The following IQCM variants were observed in gnomAD, a reference collection of about 807,000 sequenced individuals.
The protein encoded by IQCM is IQ motif containing M, also known as IQ domain-containing protein M.
In IQCM, 45 loss-of-function variants were observed where a neutral mutation model predicts 57.6. The ratio of observed to expected loss-of-function variants is 0.78; its 90% CI spans 0.62 to 1.00. The LOEUF (loss-of-function observed/expected upper bound fraction) is 1.00. IQCM is among the 50% of genes least tolerant of loss of function. The pLI is 0.00. For missense variants in IQCM, 468 were observed against 511.6 expected, an observed-to-expected ratio of 0.91 and a Z score of 0.82; for synonymous variants, 148 against 158.9, an observed-to-expected ratio of 0.93 and a Z score of 0.51.
chr4:149,743,461 A>G (rs984543994), intron 2 of IQCM, among the ~76,000 whole-genome samples: 29 of 149,066 alleles, frequency 1.9e-4, no homozygotes, highest in African/African-American at 6.8e-4. Flanking sequence ...TATACTATAT[A>G]TCTATATTCC....
At chr4:149,494,343 C>T (rs999795665) in intron 12 of IQCM, among the ~76,000 whole-genome samples, 2 of 152,090 alleles carry the variant, frequency 1.3e-5, no homozygotes, top group South Asian at 2.1e-4. Context: ...ACCAAGGAAA[C>T]GTGTCTCAAT....
At position 149,445,943 on chromosome 4, in the gene IQCM, C is replaced by T. The variant is rs1736458585; in HGVS notation, c.1229-12386G>A. Among the ~76,000 whole-genome samples the T allele has an allele frequency of 2.0e-5, 3 of 151,622 alleles. No homozygotes were observed. In the South Asian group the frequency reaches 6.2e-4, roughly 31 times the overall value. ...AAATGTTTTTCCCTATATTTACTCC[C>T]AAGAGGTTTAGATCAGCATTACAAA... On this transcript the variant is annotated intron_variant, in intron 12 of 13. Transcript: ENST00000636793.
chr4:149,801,894 T>C (rs1418690567), intron 2 of IQCM, among the ~76,000 whole-genome samples: 1 of 152,110 alleles, frequency 6.6e-6, no homozygotes, highest in Admixed American at 6.6e-5. Flanking sequence ...ACTAGTATAA[T>C]TGGATTGTTT....
At chr4:149,795,142 T>C (rs140291843) in intron 2 of IQCM, among the ~76,000 whole-genome samples, 16 of 152,298 alleles carry the variant, frequency 1.1e-4, no homozygotes, top group African/African-American at 3.6e-4. Context: ...TCAGATTGCA[T>C]ACTGCAGAAG....
chr4:149,549,359 C>CAA (rs561288431), intron 11 of IQCM, among the ~76,000 whole-genome samples: 10 of 150,384 alleles, frequency 6.6e-5, no homozygotes, highest in African/African-American at 2.2e-4. Context: ...ACTAAAAATA[C>CAA]AAAAAAAAAT....
chr4:149,624,358 C>T (rs1391066194), intron 7 of IQCM, among the ~76,000 whole-genome samples: 1 of 152,140 alleles, frequency 6.6e-6, no homozygotes, highest in Non-Finnish European at 1.5e-5. Flanking sequence ...ACCATCTCCC[C>T]TCACTTTCTA....
At chr4:149,543,199 A>G (rs1194437435) in intron 12 of IQCM, among the ~76,000 whole-genome samples, 1 of 152,160 alleles carries the variant, frequency 6.6e-6, no homozygotes, top group African/African-American at 2.4e-5. Flanking sequence ...ATGTATAACA[A>G]TAAATACATT....
intron 5 of IQCM, among the ~76,000 whole-genome samples, chr4:149,718,669 C>A (rs2149848262): frequency 6.6e-6 from 1 of 152,288 alleles, no homozygotes; most frequent in Non-Finnish European, 1.5e-5. Context: ...GAATCAAGAT[C>A]CTGGCAGGGC....
intron 9 of IQCM, among the ~76,000 whole-genome samples, chr4:149,570,066 T>C (rs1751013273): frequency 6.6e-6 from 1 of 151,972 alleles, no homozygotes; most frequent in South Asian, 2.1e-4. Flanking sequence ...AATGTTCATA[T>C]ATATAATAAG....
chr4:149,597,335 C>G (rs921498143), intron 8 of IQCM, among the ~76,000 whole-genome samples: 1 of 152,064 alleles, frequency 6.6e-6, no homozygotes, highest in African/African-American at 2.4e-5. Context: ...AATTGAATGA[C>G]TCACATTTGT....
intron 2 of IQCM, among the ~76,000 whole-genome samples, chr4:149,744,779 A>G (rs569601996): frequency 3.3e-5 from 5 of 152,200 alleles, no homozygotes; most frequent in Non-Finnish European, 5.9e-5. Context: ...ATCAATTAAT[A>G]AAAGCATATT....
chr4:149,700,621 G>A (rs1026106268), intron 5 of IQCM, among the ~76,000 whole-genome samples: 18 of 151,986 alleles, frequency 1.2e-4, no homozygotes, highest in African/African-American at 4.1e-4. Context: ...CTCAGGAAAT[G>A]CACCAAACCA....
intron 2 of IQCM, among the ~76,000 whole-genome samples, chr4:149,754,733 C>T (rs981546420): frequency 6.6e-6 from 1 of 152,148 alleles, no homozygotes; most frequent in Admixed American, 6.5e-5. Context: ...TTGGAATGTC[C>T]CAAGGCTCAG....
chr4:149,406,095 G>C (rs554241297), intron 13 of IQCM, among the ~76,000 whole-genome samples: 3 of 151,560 alleles, frequency 2.0e-5, no homozygotes, highest in African/African-American at 7.3e-5. Context: ...ACTCTCTTAA[G>C]AACCAAGTTT....
At chr4:149,425,973 T>C (rs536280620) in intron 13 of IQCM, among the ~76,000 whole-genome samples, 3 of 152,156 alleles carry the variant, frequency 2.0e-5, no homozygotes, top group South Asian at 4.1e-4. Flanking sequence ...CTAGGCATTA[T>C]ACTTAATTGC....
Position 149,473,033 on chromosome 4 carries a change from T to C in IQCM, c.1229-39476A>G, listed in dbSNP as rs191433011. Among the ~76,000 whole-genome samples the C allele has an allele frequency of 3.3e-3, 498 of 152,258 alleles. 2 individuals carry two copies. The highest frequency in any genetic ancestry group is 0.011 in the African/African-American group (450 of 41,542). ...ACCATAAAAACACTAGAAGAAAACC[T>C]ACGCAATACCATTCAGCACATAGGC... On this transcript the variant is annotated intron_variant, in intron 12 of 13. Coordinates refer to ENST00000636793, the MANE Select transcript of IQCM (RefSeq NM_001363507.2).
intron 12 of IQCM, among the ~76,000 whole-genome samples, chr4:149,542,583 T>C (rs1182786759): frequency 6.6e-6 from 1 of 151,972 alleles, no homozygotes; most frequent in Non-Finnish European, 1.5e-5. Context: ...GCATATCCCC[T>C]CCTCTAGCAT....
At chr4:149,756,393 T>C (rs1768966220) in intron 2 of IQCM, among the ~76,000 whole-genome samples, 1 of 152,078 alleles carries the variant, frequency 6.6e-6, no homozygotes, top group Admixed American at 6.5e-5. Context: ...AAAATACAAA[T>C]AAATATAAAA....
At chr4:149,397,694 T>G (rs1042922397) in intron 13 of IQCM, among the ~76,000 whole-genome samples, 7 of 152,000 alleles carry the variant, frequency 4.6e-5, no homozygotes, top group Non-Finnish European at 1.0e-4. Flanking sequence ...ATACAACAAT[T>G]TTTTAGTCTT....
Sources: allele counts gnomAD v4.1 joint callset (sites outside exome capture counted in the v4.1 genomes callset), GRCh38; gene constraint gnomAD v4.1.1; transcripts MANE v1.5; gene names NCBI Gene and HGNC (gene_info 2026-07-23, HGNC 2026-07-21).